ITGA8: variants seen among roughly 807,000 people sequenced by gnomAD.
The protein encoded by ITGA8 is integrin subunit alpha 8.
In ITGA8, 91 loss-of-function variants were observed where a neutral mutation model predicts 142.3. The ratio of observed to expected loss-of-function variants is 0.64; its 90% CI spans 0.54 to 0.76. ITGA8 has a LOEUF of 0.76. ITGA8 is among the 30% of genes least tolerant of loss of function. The probability of loss-of-function intolerance (pLI) is 0.00; values close to 1 mark genes in which losing one functional copy is unlikely to be tolerated. For missense variants in ITGA8, 1,406 were observed against 1,327.7 expected (o/e 1.06, Z -0.92); for synonymous variants, 505 against 485.2 (o/e 1.04, Z -0.54).
intron 13 of ITGA8, among the ~76,000 whole-genome samples, chr10:15,635,855 A>G (rs1301963812): frequency 2.0e-5 from 3 of 150,812 alleles, no homozygotes; most frequent in Non-Finnish European, 4.4e-5. Flanking sequence ...ATTGAAATGC[A>G]GTATTCCCTT....
intron 25 of ITGA8, among the ~76,000 whole-genome samples, chr10:15,568,272 G>A (rs927737714): frequency 1.3e-5 from 2 of 152,148 alleles, no homozygotes; most frequent in African/African-American, 4.8e-5. Flanking sequence ...AAGCATTTGT[G>A]TGTGTCTGCC....
At chr10:15,693,496 T>G (rs1834971516) in intron 2 of ITGA8, among the ~76,000 whole-genome samples, 1 of 152,200 alleles carries the variant, frequency 6.6e-6, no homozygotes, top group African/African-American at 2.4e-5. Context: ...TGTTTCCAGA[T>G]GTTTTTAAAA....
Position 15,712,740 on chromosome 10 carries a change from G to A in ITGA8, c.343+6026C>T, listed in dbSNP as rs145918587. Among the ~76,000 whole-genome samples the A allele has an allele frequency of 1.6e-3, 251 of 152,316 alleles. 1 individual carries two copies. Among genetic ancestry groups the A allele is most frequent in the African/African-American group, 5.1e-3 (214 of 41,586 alleles). On this transcript the variant is annotated intron_variant, in intron 2 of 29. Coordinates refer to ENST00000378076, the MANE Select transcript of ITGA8 (RefSeq NM_003638.3). ...AATGCAATTCCCAGATACAAGACTC[G>A]TTATACACTAAGAAGGAAAGTTCGA...
chr10:15,714,798 G>A (rs1216078995), intron 2 of ITGA8, among the ~76,000 whole-genome samples: 1 of 152,184 alleles, frequency 6.6e-6, no homozygotes, highest in African/African-American at 2.4e-5. Flanking sequence ...CTCAGTTATA[G>A]GGCTGTCTCC....
intron 3 of ITGA8, among the ~76,000 whole-genome samples, chr10:15,684,818 G>A (rs1160976453): frequency 6.6e-6 from 1 of 152,156 alleles, no homozygotes; most frequent in Non-Finnish European, 1.5e-5. Flanking sequence ...TCAGTGTGAT[G>A]TCTTATGAGA....
At chr10:15,678,845 C>A in intron 4 of ITGA8, 62 bp from the exon 5 acceptor site, 2 of 1,023,652 alleles carry the variant, frequency 2.0e-6, no homozygotes, top group South Asian at 1.4e-5. Context: ...TTTTTAATAA[C>A]CAATTCAGGA....
chr10:15,718,978 C>T (rs1835506313), intron 1 of ITGA8, 79 bp from the exon 2 acceptor site: 2 of 1,597,222 alleles, frequency 1.3e-6, no homozygotes, highest in Non-Finnish European at 1.7e-6. Flanking sequence ...TAACCTCCTG[C>T]CCGGGGACAC....
intron 19 of ITGA8, among the ~76,000 whole-genome samples, chr10:15,605,416 T>TTG (rs1564371014): frequency 6.6e-6 from 1 of 152,162 alleles, no homozygotes. Flanking sequence ...TTTGTCTACT[T>TTG]GACTGAGGCA....
chr10:15,639,344 G>A lies in ITGA8; in HGVS notation c.1399+4686C>T, dbSNP rs141759674. ...ACTCCTGTAGACCTGGAAGTGAGCC[G>A]CCAAGAATCTAGGGTGGTTTTGCTC... On this transcript the variant is annotated intron_variant, in intron 13 of 29. Coordinates refer to ENST00000378076, the MANE Select transcript of ITGA8 (RefSeq NM_003638.3). 2.0e-4 allele frequency among the ~76,000 whole-genome samples: 30 copies of A among 152,244 alleles called. No individual in the cohort carries two copies. The East Asian group carries it at 5.0e-3, about 26-fold the overall frequency.
rs529225665 is a variant in ITGA8, at chr10:15,634,536, C to G, written c.1399+9494G>C. Among the ~76,000 whole-genome samples the G allele has an allele frequency of 2.0e-5, 3 of 152,138 alleles. No individual in the cohort carries two copies. The East Asian group carries it at 5.8e-4, about 29-fold the overall frequency. On this transcript the variant is annotated intron_variant, in intron 13 of 29. Coordinates refer to ENST00000378076, the MANE Select transcript of ITGA8 (RefSeq NM_003638.3). Reference sequence around the variant, plus strand: ...GCTAGAATTTGATTTAATTCGGGCCCGTGAGAGCAGGATCTTTGTTTAATT... The same window carrying G: ...GCTAGAATTTGATTTAATTCGGGCCGGTGAGAGCAGGATCTTTGTTTAATT...
chr10:15,584,810 C>T lies in ITGA8; in HGVS notation c.2372+1774G>A, dbSNP rs1832794681. Among the ~76,000 whole-genome samples the T allele has an allele frequency of 4.6e-5, 7 of 152,088 alleles. No individual in the cohort carries two copies. In the South Asian group the frequency reaches 1.5e-3, roughly 32 times the overall value. On this transcript the variant is annotated intron_variant, in intron 23 of 29. Coordinates refer to ENST00000378076, the MANE Select transcript of ITGA8 (RefSeq NM_003638.3). ...GCTAAGGCCTGTAATAATCCTAGCA[C>T]TTTGGGAGGCTGAGGTAGGCAGATT...
At chr10:15,668,693 G>A (rs1343263385) in intron 8 of ITGA8, among the ~76,000 whole-genome samples, 1 of 151,956 alleles carries the variant, frequency 6.6e-6, no homozygotes, top group Admixed American at 6.6e-5. Flanking sequence ...CTTCCTTCAG[G>A]AGCTCTTTTA....
rs552171294 is a variant in ITGA8, at chr10:15,639,892, T to C, written c.1399+4138A>G. The stretch of plus-strand genomic sequence containing the variant: ...TGTTTATAAAGGATGATGAGATAGA[T>C]TTCAGAGGGAGGAAGTCAATTTGTT... On this transcript the variant is annotated intron_variant, in intron 13 of 29. Transcript: ENST00000378076. Among the ~76,000 whole-genome samples, 12 of 152,284 alleles carry C rather than the reference T, an allele frequency of 7.9e-5. No homozygotes were observed. The East Asian group carries it at 2.3e-3, about 29-fold the overall frequency.
chr10:15,526,514 C>A (rs1340014892), intron 28 of ITGA8, among the ~76,000 whole-genome samples: 1 of 152,020 alleles, frequency 6.6e-6, no homozygotes, highest in African/African-American at 2.4e-5. Flanking sequence ...AGACTCAGGG[C>A]AGAAGACAAA....
intron 2 of ITGA8, among the ~76,000 whole-genome samples, chr10:15,694,409 T>TATATGATAATATATCAC (rs1370838654): frequency 2.0e-4 from 27 of 137,906 alleles, no homozygotes; most frequent in Admixed American, 3.0e-4. Flanking sequence ...TAATATATCA[T>TATATGATAATATATCAC]ATATCAGATA....
chr10:15,638,162 C>T (rs1366895429), intron 13 of ITGA8, among the ~76,000 whole-genome samples: 1 of 152,186 alleles, frequency 6.6e-6, no homozygotes, highest in African/African-American at 2.4e-5. Context: ...ACATCTGTAG[C>T]ATGCAGAACA....
rs1221335469 is a variant in ITGA8 at position 15,606,438 on chromosome 10, A to G, written c.1765-16T>C. 1 of 1,583,088 alleles carries G rather than the reference A, an allele frequency of 6.3e-7. No individual in the cohort carries two copies. The highest frequency in any genetic ancestry group is 2.3e-5 in the East Asian group (1 of 44,044). On this transcript the variant is annotated splice_polypyrimidine_tract_variant and intron_variant, in intron 17 of 29. Coordinates refer to ENST00000378076, the MANE Select transcript of ITGA8 (RefSeq NM_003638.3). The stretch of plus-strand genomic sequence containing the variant: ...CAGTTTCATCCTAGGAAAAATAATC[A>G]CAAACTCAACAGAGGCTCCATGAAA...
rs1833182015 is a variant in ITGA8 at position 15,605,711 on chromosome 10, TA to T, written c.1970+12del. 17 of 1,601,574 alleles carry T rather than the reference TA, an allele frequency of 1.1e-5. No homozygotes were observed. Among genetic ancestry groups the T allele is most frequent in the Non-Finnish European group, 1.4e-5 (16 of 1,168,762 alleles). Reference sequence around the variant, plus strand: ...ATTAGATAGAAAGTACACATTTAGTTATTTAAACTTACGGTCTAGCCGACAG... The same window carrying T: ...ATTAGATAGAAAGTACACATTTAGTTTTTAAACTTACGGTCTAGCCGACAG... On this transcript the variant is annotated intron_variant, in intron 19 of 29. Transcript: ENST00000378076.
intron 2 of ITGA8, among the ~76,000 whole-genome samples, chr10:15,688,302 C>CAAAAAAAAAAAAAAAAAAAA (rs35060475): frequency 8.9e-6 from 1 of 112,798 alleles, no homozygotes; most frequent in Non-Finnish European, 1.7e-5. Flanking sequence ...CAAAAAATAC[C>CAAAAAAAAAAAAAAAAAAAA]AAAAAAAAAA....
Sources: allele counts gnomAD v4.1 joint callset (sites outside exome capture counted in the v4.1 genomes callset), GRCh38; gene constraint gnomAD v4.1.1; transcripts MANE v1.5; gene names NCBI Gene and HGNC (gene_info 2026-07-23, HGNC 2026-07-21).